SMG5: variants seen among roughly 807,000 people sequenced by gnomAD.
SMG5 encodes the protein SMG5 nonsense mediated mRNA decay factor.
SMG5 carries 53 observed loss-of-function variants against 122.9 expected under a neutral mutation model. That is an observed-to-expected ratio of 0.43 (90% CI 0.35 to 0.54). SMG5 has a LOEUF of 0.54. SMG5 is among the 20% of genes least tolerant of loss of function. The pLI is 0.01. For missense variants in SMG5, 1,153 were observed against 1,285.6 expected (o/e 0.90, Z 1.58); for synonymous variants, 477 against 490.2 (o/e 0.97, Z 0.35).
chr1:156,279,789 G>A (rs1662850289), intron 1 of SMG5, among the ~76,000 whole-genome samples: 1 of 152,150 alleles, frequency 6.6e-6, no homozygotes, highest in Non-Finnish European at 1.5e-5. Context: ...GGGCTGCTTA[G>A]CCGTAAGCAA....
Position 156,250,842 on chromosome 1 carries a change from C to A in SMG5, c.2967+16G>T. Reference sequence around the variant, plus strand: ...TCCCTATTCCACACCATCCCCCCACCTCACCCATGACCCACCTGCATGGGG... The same window carrying A: ...TCCCTATTCCACACCATCCCCCCACATCACCCATGACCCACCTGCATGGGG... On this transcript the variant is annotated intron_variant, in intron 21 of 21. Coordinates refer to ENST00000361813, the MANE Select transcript of SMG5 (RefSeq NM_015327.3). The A allele has an allele frequency of 1.2e-6, 2 of 1,613,390 alleles. No homozygotes were observed. The highest frequency in any genetic ancestry group is 1.7e-6 in the Non-Finnish European group (2 of 1,179,542).
intron 3 of SMG5, 117 bp downstream of exon 3, chr1:156,277,808 A>G: frequency 7.2e-7 from 1 of 1,379,334 alleles, no homozygotes. Context: ...CACCGTGCCC[A>G]GCCTCTTACT....
At chr1:156,267,718 G>T in intron 9 of SMG5, 40 bp from the exon 10 acceptor site, 1 of 1,539,830 alleles carries the variant, frequency 6.5e-7, no homozygotes. Flanking sequence ...TCAGTGGTGG[G>T]GGCTGGGGAA....
intron 15 of SMG5, 49 bp from the exon 16 acceptor site, chr1:156,259,212 C>T: frequency 6.7e-7 from 1 of 1,500,584 alleles, no homozygotes; most frequent in Middle Eastern, 1.8e-4. Context: ...GCCCTCTAGA[C>T]CCACCCTGCC....
chr1:156,283,760 C>T (rs1663068672), upstream of SMG5, among the ~76,000 whole-genome samples: 1 of 152,214 alleles, frequency 6.6e-6, no homozygotes, highest in Non-Finnish European at 1.5e-5. Context: ...CTTTCCCATC[C>T]ATTGGTCTTT....
the SMG5 span, among the ~76,000 whole-genome samples, chr1:156,289,787 C>T: frequency 7.9e-3 from 1,200 of 152,270 alleles, 23 homozygotes; most frequent in African/African-American, 0.027. Context: ...AGTGATCCTT[C>T]ATATATTAAG....
chr1:156,252,685 A>C (rs1661402800), intron 18 of SMG5, 181 bp from the exon 19 acceptor site: 1 of 752,896 alleles, frequency 1.3e-6, no homozygotes, highest in Non-Finnish European at 2.1e-6. Context: ...ATACTTGGCA[A>C]TTTACCAAGT....
intron 7 of SMG5, among the ~76,000 whole-genome samples, chr1:156,268,728 T>C (rs372885108): frequency 2.0e-5 from 3 of 152,216 alleles, no homozygotes; most frequent in South Asian, 2.1e-4. Flanking sequence ...TTTTTAAACA[T>C]AGAATACTTT....
At chr1:156,266,773 C>T in intron 10 of SMG5, 95 bp from the exon 11 acceptor site, 4 of 1,349,896 alleles carry the variant, frequency 3.0e-6, no homozygotes, top group Non-Finnish European at 4.0e-6. Context: ...CTCAACTCTT[C>T]CAAGGATCCA....
upstream of SMG5, chr1:156,284,385 G>T (rs1176884994): frequency 6.6e-6 from 1 of 152,246 alleles, no homozygotes; most frequent in Non-Finnish European, 1.5e-5. Context: ...AGACGCTGGG[G>T]ACCCTCCACT....
intron 13 of SMG5, 85 bp from the exon 14 acceptor site, chr1:156,261,493 G>T: frequency 8.8e-7 from 1 of 1,137,046 alleles, no homozygotes; most frequent in Non-Finnish European, 1.3e-6. Context: ...CACCCTGAGG[G>T]ATCTGGCCTA....
Position 156,250,372 on chromosome 1 carries a change from A to G in SMG5, c.*215T>C. 3 of 571,700 alleles carry G rather than the reference A, an allele frequency of 5.2e-6. No individual in the cohort carries two copies. The highest frequency in any genetic ancestry group is 3.1e-5 in the Admixed American group (1 of 32,696). 35.4% of individuals were successfully genotyped at this position (571,700 alleles called of 1,614,324 possible). ...CCCACAAGACTCTCCTAATCCAAGC[A>G]CTTTCCTCGCTTTCCTAACGTCTTG... On this transcript the variant is annotated 3_prime_UTR_variant, in exon 22 of 22. Coordinates refer to ENST00000361813, the MANE Select transcript of SMG5 (RefSeq NM_015327.3).
At position 156,259,122 on chromosome 1, in the gene SMG5, G is replaced by A; in HGVS notation, c.2325C>T (p.Phe775=). 6.2e-7 allele frequency: 1 copy of A among 1,606,450 alleles called. No homozygotes were observed. The highest frequency in any genetic ancestry group is 8.5e-7 in the Non-Finnish European group (1 of 1,176,584). Residue 775 remains phenylalanine, a synonymous_variant, in exon 16 of 22, where the codon TTC becomes TTT. Transcript: ENST00000361813. ...GGATGCTGCCTTGCAGGCGGGCGAT[G>A]AAATGACCAAAGCTGCGGATGCAGC... ...RICCIRSFGH[F]IARLQGSILQ...
chr1:156,251,344 G>A, intron 20 of SMG5, 59 bp downstream of exon 20: 1 of 1,578,154 alleles, frequency 6.3e-7, no homozygotes, highest in Non-Finnish European at 8.7e-7. Flanking sequence ...CCCTAGGAAT[G>A]CTCGTGGAGG....
chr1:156,274,267 A>T (rs12117947), intron 5 of SMG5, among the ~76,000 whole-genome samples: 36,655 of 152,188 alleles, frequency 0.24, 4,924 homozygotes, highest in Non-Finnish European at 0.29. Flanking sequence ...GTTTCTATTC[A>T]TCTAGCAGTC....
At chr1:156,265,034 A>ACACAC (rs1558237912) in intron 12 of SMG5, among the ~76,000 whole-genome samples, 1 of 46,520 alleles carries the variant, frequency 2.1e-5, no homozygotes, top group African/African-American at 1.0e-4. Context: ...TCAAAAAAAA[A>ACACAC]ATACACACAC....
At chr1:156,266,803 T>A in intron 10 of SMG5, 125 bp from the exon 11 acceptor site, 2 of 454,520 alleles carry the variant, frequency 4.4e-6, no homozygotes, top group Non-Finnish European at 5.9e-6. Flanking sequence ...CAAAGATTCT[T>A]TTTTTTTTTT....
At position 156,274,727 on chromosome 1, in the gene SMG5, T is replaced by C. The variant is rs554862904; in HGVS notation, c.455-41A>G. On this transcript the variant is annotated intron_variant, in intron 4 of 21. Coordinates refer to ENST00000361813, the MANE Select transcript of SMG5 (RefSeq NM_015327.3). ...AAAGAGATTTGTAGGCCCATTCTTC[T>C]GCCTTCCCGCACCTATGAAGAAATA... The C allele has an allele frequency of 9.7e-6, 15 of 1,541,330 alleles. No homozygotes were observed. In the Admixed American group the frequency reaches 2.3e-4, roughly 24 times the overall value.
At chr1:156,286,445 C>T (rs1663166293), upstream of SMG5, 1 of 1,614,122 alleles carries the variant, frequency 6.2e-7, no homozygotes, top group Admixed American at 1.7e-5. Context: ...ACTGCTCCCT[C>T]TGCTCACTGG....
Sources: allele counts gnomAD v4.1 joint callset (sites outside exome capture counted in the v4.1 genomes callset), GRCh38; gene constraint gnomAD v4.1.1; transcripts MANE v1.5; gene names NCBI Gene and HGNC (gene_info 2026-07-23, HGNC 2026-07-21).